Variants in FNDC3B observed in about 807,000 individuals in gnomAD.
The protein encoded by FNDC3B is fibronectin type III domain-containing protein 3B.
FNDC3B carries 12 observed loss-of-function variants against 151.5 expected under a neutral mutation model. That is an observed-to-expected ratio of 0.08 (90% CI 0.05 to 0.13). The LOEUF (loss-of-function observed/expected upper bound fraction) is 0.13. FNDC3B is among the 10% of genes least tolerant of loss of function. FNDC3B has a pLI of 1.00. For missense variants in FNDC3B, 1,214 were observed against 1,505.3 expected (o/e 0.81, Z 3.20); for synonymous variants, 528 against 549.0 (o/e 0.96, Z 0.54).
At chr3:172,234,608 G>A (rs991776186) in intron 4 of FNDC3B, among the ~76,000 whole-genome samples, 3 of 152,120 alleles carry the variant, frequency 2.0e-5, no homozygotes, top group South Asian at 2.1e-4. Flanking sequence ...TTGACATTTA[G>A]CATTTTATTG....
At chr3:172,123,851 C>G (rs2108558351) in intron 2 of FNDC3B, among the ~76,000 whole-genome samples, 1 of 152,160 alleles carries the variant, frequency 6.6e-6, no homozygotes, top group South Asian at 2.1e-4. Flanking sequence ...CCATATTTTT[C>G]TCTTAGGGTT....
intron 11 of FNDC3B, chr3:172,316,418 G>GAA (rs201890372): frequency 9.6e-6 from 4 of 414,706 alleles, no homozygotes; most frequent in Admixed American, 2.6e-5. Context: ...GGGCTTTTAG[G>GAA]AAAAAAAAAA....
intron 4 of FNDC3B, among the ~76,000 whole-genome samples, chr3:172,245,999 AAACATT>A (rs1249730043): frequency 1.3e-5 from 2 of 152,234 alleles, no homozygotes; most frequent in African/African-American, 4.8e-5. Flanking sequence ...AATATAACAT[AAACATT>A]GATAGACTTG....
Position 172,381,110 on chromosome 3 carries a change from A to G in FNDC3B, c.3303+17A>G, listed in dbSNP as rs770938840. The G allele has an allele frequency of 3.1e-6, 5 of 1,612,666 alleles. No homozygotes were observed. Among genetic ancestry groups the G allele is most frequent in the Non-Finnish European group, 3.4e-6 (4 of 1,179,042 alleles). On this transcript the variant is annotated intron_variant, in intron 25 of 25. Coordinates refer to ENST00000415807, the MANE Select transcript of FNDC3B (RefSeq NM_022763.4). ...TACAAACAGGTAAGAACCAGTGTGCATGGCACATGTGCAACTGAGTATGGC... is the reference window on the plus strand; with the variant it reads ...TACAAACAGGTAAGAACCAGTGTGCGTGGCACATGTGCAACTGAGTATGGC...
chr3:172,350,066 A>G (rs1409488836), intron 21 of FNDC3B, among the ~76,000 whole-genome samples: 3 of 152,160 alleles, frequency 2.0e-5, no homozygotes, highest in Non-Finnish European at 4.4e-5. Flanking sequence ...TATTTTTGCA[A>G]CTTTTCTGTA....
chr3:172,244,318 C>T (rs1430423352), intron 4 of FNDC3B, among the ~76,000 whole-genome samples: 1 of 151,998 alleles, frequency 6.6e-6, no homozygotes, highest in Non-Finnish European at 1.5e-5. Flanking sequence ...TTTTTTGCCT[C>T]AGGTGTTTTG....
Position 172,094,812 on chromosome 3 carries a change from G to A in FNDC3B, c.-28-17640G>A, listed in dbSNP as rs187274173. ...CTTGAAGAATCACTGGTCTGTGAGC[G>A]GGTGTGTAGTGGCTTAGTGGAAGTG... On this transcript the variant is annotated intron_variant, in intron 1 of 25. Coordinates refer to ENST00000415807, the MANE Select transcript of FNDC3B (RefSeq NM_022763.4). Among the ~76,000 whole-genome samples the A allele has an allele frequency of 5.9e-5, 9 of 151,636 alleles. No homozygotes were observed. The South Asian group carries it at 8.3e-4, about 14-fold the overall frequency.
chr3:172,340,964 A>G (rs1227730846), intron 16 of FNDC3B, 149 bp from the exon 17 acceptor site: 3 of 632,400 alleles, frequency 4.7e-6, no homozygotes, highest in Admixed American at 5.4e-5. Flanking sequence ...TTAACTTTGT[A>G]AAAGAAAAAG....
At chr3:172,313,273 C>T (rs1275223520) in intron 11 of FNDC3B, among the ~76,000 whole-genome samples, 2 of 152,136 alleles carry the variant, frequency 1.3e-5, no homozygotes, top group African/African-American at 2.4e-5. Context: ...TTGGGTGCAA[C>T]GAGCTTCCTG....
At chr3:172,080,876 T>G (rs1363564904) in intron 1 of FNDC3B, among the ~76,000 whole-genome samples, 28 of 152,216 alleles carry the variant, frequency 1.8e-4, no homozygotes. Context: ...TTTCAAGTGT[T>G]GGACTCATTT....
chr3:172,248,358 T>G (rs1484939401), intron 5 of FNDC3B, among the ~76,000 whole-genome samples: 1 of 152,130 alleles, frequency 6.6e-6, no homozygotes, highest in Non-Finnish European at 1.5e-5. Flanking sequence ...CAGCCGCAAT[T>G]TCACTGATTG....
intron 3 of FNDC3B, among the ~76,000 whole-genome samples, chr3:172,192,131 G>C (rs1006792578): frequency 6.6e-6 from 1 of 150,742 alleles, no homozygotes; most frequent in Non-Finnish European, 1.5e-5. Flanking sequence ...GCCAACTCTT[G>C]TTAACCAAAT....
chr3:172,135,648 A>G (rs970521699), intron 3 of FNDC3B, among the ~76,000 whole-genome samples: 1 of 152,166 alleles, frequency 6.6e-6, no homozygotes, highest in African/African-American at 2.4e-5. Context: ...AATGAGGACT[A>G]GGACCTGGAT....
chr3:172,130,377 T>C (rs141929902), intron 2 of FNDC3B, among the ~76,000 whole-genome samples: 106 of 152,324 alleles, frequency 7.0e-4, no homozygotes, highest in African/African-American at 2.4e-3. Flanking sequence ...GATTATAATC[T>C]GGTTGCTATG....
At chr3:172,194,687 C>A (rs906953266) in intron 3 of FNDC3B, among the ~76,000 whole-genome samples, 1 of 152,208 alleles carries the variant, frequency 6.6e-6, no homozygotes, top group Non-Finnish European at 1.5e-5. Flanking sequence ...ATCTACTCAT[C>A]TAGTCCAGCA....
intron 6 of FNDC3B, among the ~76,000 whole-genome samples, chr3:172,277,314 A>G (rs1040826582): frequency 1.3e-5 from 2 of 152,142 alleles, no homozygotes; most frequent in African/African-American, 4.8e-5. Flanking sequence ...TACAGTTCTG[A>G]AGGCTGGGAA....
At chr3:172,177,859 G>A (rs1049609040) in intron 3 of FNDC3B, among the ~76,000 whole-genome samples, 2 of 151,408 alleles carry the variant, frequency 1.3e-5, no homozygotes, top group African/African-American at 2.4e-5. Context: ...CCTCACCCCT[G>A]TCCCTGACAG....
chr3:172,311,795 G>A (rs1418794671), intron 11 of FNDC3B, among the ~76,000 whole-genome samples: 1 of 150,824 alleles, frequency 6.6e-6, no homozygotes, highest in Non-Finnish European at 1.5e-5. Flanking sequence ...GGAGAATGCT[G>A]TGAACCCAGG....
intron 1 of FNDC3B, among the ~76,000 whole-genome samples, chr3:172,066,738 C>T (rs1347938963): frequency 6.6e-6 from 1 of 152,182 alleles, no homozygotes; most frequent in Non-Finnish European, 1.5e-5. Context: ...AAATGCTACA[C>T]ATGGAGAAGT....
Sources: allele counts gnomAD v4.1 joint callset (sites outside exome capture counted in the v4.1 genomes callset), GRCh38; gene constraint gnomAD v4.1.1; transcripts MANE v1.5; gene names NCBI Gene and HGNC (gene_info 2026-07-23, HGNC 2026-07-21).